The following FARP1 variants were observed in gnomAD, a reference collection of about 807,000 sequenced individuals.
FARP1 encodes the protein FERM, ARHGEF and pleckstrin domain-containing protein 1.
Under a neutral mutation model 128.8 loss-of-function variants are expected in FARP1, and 52 were observed. The ratio of observed to expected loss-of-function variants is 0.40; its 90% CI spans 0.32 to 0.51. The LOEUF is 0.51. Among genes scored for constraint, FARP1 ranks in the 20% least tolerant of loss-of-function variants. FARP1 has a pLI of 0.45. For synonymous variants in FARP1, 580 were observed against 551.8 expected (o/e 1.05, Z -0.72); for missense variants, 1,333 against 1,367.9 (o/e 0.97, Z 0.40).
chr13:98,175,910 T>C, intron 1 of FARP1: 2 of 518,228 alleles, frequency 3.9e-6, no homozygotes, highest in Non-Finnish European at 3.4e-6. Flanking sequence ...TAAGGCTTAA[T>C]AGCATTCCAT....
intron 9 of FARP1, among the ~76,000 whole-genome samples, 183 bp downstream of exon 9, chr13:98,388,661 C>T (rs1031018879): frequency 6.6e-5 from 10 of 152,312 alleles, no homozygotes; most frequent in African/African-American, 1.9e-4. Context: ...GGTAACTCTA[C>T]GGCTGTCATC....
intron 2 of FARP1, among the ~76,000 whole-genome samples, chr13:98,218,311 G>A (rs890826773): frequency 6.6e-6 from 1 of 152,146 alleles, no homozygotes; most frequent in Non-Finnish European, 1.5e-5. Context: ...CCTCCAATCA[G>A]ACCTTGAATC....
At chr13:98,441,274 G>T (rs1273269864) in intron 24 of FARP1, among the ~76,000 whole-genome samples, 1 of 152,224 alleles carries the variant, frequency 6.6e-6, no homozygotes, top group Non-Finnish European at 1.5e-5. Flanking sequence ...GCAGGTGCCA[G>T]CTCCTCCCCA....
intron 2 of FARP1, among the ~76,000 whole-genome samples, chr13:98,265,244 A>C (rs4142403): frequency 0.43 from 64,190 of 149,000 alleles, 14,465 homozygotes; most frequent in African/African-American, 0.56. Context: ...AGATTGTGAT[A>C]TTTTTGTGTT....
At chr13:98,421,856 A>T (rs58464179) in intron 16 of FARP1, among the ~76,000 whole-genome samples, 24,833 of 145,770 alleles carry the variant, frequency 0.17, 2,147 homozygotes, top group Middle Eastern at 0.26. Flanking sequence ...CCATATCTTT[A>T]AAAAAAAAAA....
intron 17 of FARP1, among the ~76,000 whole-genome samples, chr13:98,429,669 TGAGGCAG>T (rs1891936412): frequency 6.6e-6 from 1 of 152,130 alleles, no homozygotes. Context: ...GGGCCCCAGC[TGAGGCAG>T]GAGGAAGTGG....
At chr13:98,145,368 ATTCTCTTCCTT>A (rs990685627) in intron 1 of FARP1, among the ~76,000 whole-genome samples, 3 of 152,102 alleles carry the variant, frequency 2.0e-5, no homozygotes, top group Non-Finnish European at 2.9e-5. Context: ...TCACATTGAT[ATTCTCTTCCTT>A]TAATTGATAC....
At chr13:98,334,163 G>T (rs1887640705) in intron 2 of FARP1, 1 of 152,182 alleles carries the variant, frequency 6.6e-6, no homozygotes, top group African/African-American at 2.4e-5. Flanking sequence ...TGGGCACTCC[G>T]TTGTCCTCCA....
At chr13:98,341,827 T>C (rs1887986346) in intron 2 of FARP1, among the ~76,000 whole-genome samples, 1 of 152,174 alleles carries the variant, frequency 6.6e-6, no homozygotes, top group African/African-American at 2.4e-5. Context: ...CGTGGGTTCT[T>C]ATATATAATA....
At chr13:98,441,122 G>A (rs184648041) in intron 24 of FARP1, among the ~76,000 whole-genome samples, 24 of 152,234 alleles carry the variant, frequency 1.6e-4, no homozygotes, top group Non-Finnish European at 3.2e-4. Context: ...CTCTTTCTTC[G>A]CCTGTTTTCT....
chr13:98,258,555 A>C (rs1465904075), intron 2 of FARP1, among the ~76,000 whole-genome samples: 3 of 152,196 alleles, frequency 2.0e-5, no homozygotes, highest in Non-Finnish European at 4.4e-5. Context: ...ATAGTGGCAA[A>C]GATGATGGGA....
At position 98,248,403 on chromosome 13, in the gene FARP1, T is replaced by C. The variant is rs138802499; in HGVS notation, c.171+34990T>C. Reference sequence around the variant, plus strand: ...CGGGTAGAGGGCTTCCCCAAGGTATTTTCCTGTGGCCATAGACATAATACA... The same window carrying C: ...CGGGTAGAGGGCTTCCCCAAGGTATCTTCCTGTGGCCATAGACATAATACA... On this transcript the variant is annotated intron_variant, in intron 2 of 26. Coordinates refer to ENST00000319562, the MANE Select transcript of FARP1 (RefSeq NM_005766.4). Among the ~76,000 whole-genome samples, 18 of 152,282 alleles carry C rather than the reference T, an allele frequency of 1.2e-4. No individual in the cohort carries two copies. The East Asian group carries it at 3.5e-3, about 29-fold the overall frequency.
chr13:98,367,502 T>TA (rs1889144233), intron 4 of FARP1, among the ~76,000 whole-genome samples: 1 of 151,562 alleles, frequency 6.6e-6, no homozygotes, highest in Non-Finnish European at 1.5e-5. Flanking sequence ...TTTTTTTTTT[T>TA]AAATTCTGAA....
At chr13:98,347,870 G>GT (rs979194154) in intron 3 of FARP1, among the ~76,000 whole-genome samples, 8 of 152,186 alleles carry the variant, frequency 5.3e-5, no homozygotes, top group African/African-American at 1.9e-4. Context: ...TTCTCTGTGT[G>GT]TGATGTGTGG....
chr13:98,374,015 A>G (rs1339731728), intron 5 of FARP1, among the ~76,000 whole-genome samples: 1 of 152,212 alleles, frequency 6.6e-6, no homozygotes, highest in Non-Finnish European at 1.5e-5. Context: ...CATTAGTAAG[A>G]TATCCTTTCT....
rs73563555 is a variant in FARP1, at chr13:98,312,813, G to A, written c.172-30949G>A. Among the ~76,000 whole-genome samples the A allele has an allele frequency of 2.4e-3, 360 of 152,250 alleles. 2 individuals are homozygous for A. Among genetic ancestry groups the A allele is most frequent in the African/African-American group, 7.9e-3 (330 of 41,540 alleles). On this transcript the variant is annotated intron_variant, in intron 2 of 26. Transcript: ENST00000319562. Reference sequence around the variant, plus strand: ...TCACTATAGAGGCCGTGTGCACAGGGCGCTCTGCCTTCTCCCTCAGCTGGG... The same window carrying A: ...TCACTATAGAGGCCGTGTGCACAGGACGCTCTGCCTTCTCCCTCAGCTGGG...
At chr13:98,216,749 G>A (rs559023229) in intron 2 of FARP1, among the ~76,000 whole-genome samples, 3 of 152,254 alleles carry the variant, frequency 2.0e-5, no homozygotes, top group South Asian at 4.2e-4. Flanking sequence ...TTGGCAGTTA[G>A]CTCCACGATC....
chr13:98,294,183 T>A (rs1313814384), intron 2 of FARP1, among the ~76,000 whole-genome samples: 1 of 152,174 alleles, frequency 6.6e-6, no homozygotes, highest in Non-Finnish European at 1.5e-5. Context: ...CCCTTGGCCC[T>A]CCTTCTCACT....
intron 2 of FARP1, among the ~76,000 whole-genome samples, chr13:98,291,239 T>C (rs1466013721): frequency 1.3e-5 from 2 of 152,170 alleles, no homozygotes; most frequent in Non-Finnish European, 2.9e-5. Flanking sequence ...GAAAATGTTA[T>C]TAAGAAAATC....
Sources: gnomAD v4.1 joint callset for allele counts (sites outside exome capture counted in the v4.1 genomes callset) on GRCh38, gnomAD v4.1.1 for gene constraint, MANE v1.5 for transcripts, NCBI Gene and HGNC (gene_info 2026-07-23, HGNC 2026-07-21) for gene names.